Variants in ALKBH3 observed in about 807,000 individuals in gnomAD.
The protein encoded by ALKBH3 is alkB homolog 3, alpha-ketoglutarate dependent dioxygenase, also known as alpha-ketoglutarate-dependent dioxygenase alkB homolog 3.
In ALKBH3, 51 loss-of-function variants were observed where a neutral mutation model predicts 43.9. That is an observed-to-expected ratio of 1.16 (90% CI 0.93 to 1.47). The LOEUF (loss-of-function observed/expected upper bound fraction) is 1.47, where lower values mean the gene tolerates loss of function less well. ALKBH3 is among the 40% of genes most tolerant of loss of function. The pLI, the probability that ALKBH3 is intolerant of heterozygous loss-of-function variation, is 0.00. For missense variants in ALKBH3, 361 were observed against 351.9 expected, an observed-to-expected ratio of 1.03 and a Z score of -0.21; for synonymous variants, 102 against 115.2, an observed-to-expected ratio of 0.89 and a Z score of 0.73.
At chr11:43,890,619 A>C (rs1951777227) in intron 6 of ALKBH3, among the ~76,000 whole-genome samples, 1 of 152,182 alleles carries the variant, frequency 6.6e-6, no homozygotes, top group South Asian at 2.1e-4. Flanking sequence ...TAATCCCAGC[A>C]CTTTGGGAGG....
intron 8 of ALKBH3, among the ~76,000 whole-genome samples, chr11:43,911,605 C>T (rs1951939515): frequency 6.6e-6 from 1 of 152,136 alleles, no homozygotes; most frequent in South Asian, 2.1e-4. Flanking sequence ...GCTGACTGTG[C>T]CTGGCTCTGC....
rs372346617 is a variant in ALKBH3, at chr11:43,883,071, C to T, written c.80-14C>T. ...CTTTCCCCTGGTTTGAGGCTGTCCC[C>T]TCTCTTGCTTCAGCTACCACTGCTA... On this transcript the variant is annotated splice_polypyrimidine_tract_variant and intron_variant, in intron 2 of 9. Coordinates refer to ENST00000302708, the MANE Select transcript of ALKBH3 (RefSeq NM_139178.4). 1 of 1,610,848 alleles carries T rather than the reference C, an allele frequency of 6.2e-7. No individual in the cohort carries two copies. The highest frequency in any genetic ancestry group is 1.7e-5 in the Admixed American group (1 of 59,924).
At chr11:43,897,255 C>T (rs753573140) in intron 7 of ALKBH3, 28 of 560,136 alleles carry the variant, frequency 5.0e-5, no homozygotes, top group Admixed American at 1.5e-4. Flanking sequence ...GCGACTGCTC[C>T]GCAGAGCTGC....
At chr11:43,899,640 CA>C (rs767957462) in intron 7 of ALKBH3, 10 of 475,860 alleles carry the variant, frequency 2.1e-5, no homozygotes, top group Non-Finnish European at 3.5e-5. Flanking sequence ...TCCCGCCGAG[CA>C]GAGACATTGT....
intron 6 of ALKBH3, among the ~76,000 whole-genome samples, chr11:43,890,114 C>T (rs1226405501): frequency 6.8e-6 from 1 of 147,436 alleles, no homozygotes; most frequent in African/African-American, 2.4e-5. Flanking sequence ...ACATACTTAT[C>T]TCCTTTTGTG....
chr11:43,884,375 C>CT lies in ALKBH3; in HGVS notation c.218+378dup, dbSNP rs113557050. On this transcript the variant is annotated intron_variant, in intron 4 of 9. Transcript: ENST00000302708. ...TTCTTTGAGAAGCCATTAATTGCCTCTTTTTTTTTTTTTTTTTTTTACTAG... is the reference window on the plus strand; with the variant it reads ...TTCTTTGAGAAGCCATTAATTGCCTCTTTTTTTTTTTTTTTTTTTTTACTAG... Among the ~76,000 whole-genome samples the CT allele has an allele frequency of 6.4e-3, 861 of 134,082 alleles. 10 individuals carry two copies. Among genetic ancestry groups the CT allele is most frequent in the Middle Eastern group, 0.028 (7 of 250 alleles). 88.0% of individuals were successfully genotyped at this position (134,082 alleles called of 152,430 possible). A position where few individuals can be genotyped will look rare whatever the true frequency, so the allele number is the denominator to read the frequency against.
chr11:43,913,351 G>A (rs766390176), intron 8 of ALKBH3, among the ~76,000 whole-genome samples: 4 of 151,936 alleles, frequency 2.6e-5, no homozygotes, highest in African/African-American at 4.8e-5. Flanking sequence ...CCCCCGTCCC[G>A]TCCTCCACCC....
chr11:43,913,673 G>A (rs991359725), intron 8 of ALKBH3, among the ~76,000 whole-genome samples: 1 of 152,202 alleles, frequency 6.6e-6, no homozygotes, highest in African/African-American at 2.4e-5. Flanking sequence ...ACTACTGCAT[G>A]GAATGGCAAA....
intron 8 of ALKBH3, among the ~76,000 whole-genome samples, chr11:43,915,438 C>T (rs1951975981): frequency 6.6e-6 from 1 of 152,088 alleles, no homozygotes; most frequent in African/African-American, 2.4e-5. Flanking sequence ...CACTTGGCTC[C>T]AGTAATTCCA....
At chr11:43,899,429 G>A (rs7933911) in intron 7 of ALKBH3, 706,266 of 707,716 alleles carry the variant, frequency 1, 352,427 homozygotes, top group East Asian at 1. Context: ...GATGTACTAC[G>A]CCAAAGTGAT....
intron 7 of ALKBH3, among the ~76,000 whole-genome samples, chr11:43,896,900 T>G (rs1411903616): frequency 6.6e-6 from 1 of 152,236 alleles, no homozygotes; most frequent in Non-Finnish European, 1.5e-5. Context: ...ATTCAAAGTG[T>G]AGGCTGGACC....
chr11:43,894,523 A>C (rs1951805157), intron 7 of ALKBH3, among the ~76,000 whole-genome samples: 1 of 151,942 alleles, frequency 6.6e-6, no homozygotes, highest in African/African-American at 2.4e-5. Flanking sequence ...TCCTTTTCTC[A>C]CTGTTTCAGT....
intron 8 of ALKBH3, among the ~76,000 whole-genome samples, chr11:43,911,839 G>A (rs1169754901): frequency 6.6e-6 from 1 of 152,124 alleles, no homozygotes; most frequent in African/African-American, 2.4e-5. Flanking sequence ...AAAAAAGGGA[G>A]CGGCCAGGCG....
chr11:43,918,372 C>G (rs10768995), intron 8 of ALKBH3, among the ~76,000 whole-genome samples: 90,370 of 152,074 alleles, frequency 0.59, 27,561 homozygotes, highest in East Asian at 0.84. Context: ...GTGATCCATC[C>G]TCAAAGATGT....
At chr11:43,897,547 CT>C in intron 7 of ALKBH3, 1 of 778,818 alleles carries the variant, frequency 1.3e-6, no homozygotes, top group Non-Finnish European at 2.4e-6. Context: ...CCTACGTGTC[CT>C]TTGATTCCGA....
At chr11:43,907,121 G>T (rs369171636) in intron 8 of ALKBH3, among the ~76,000 whole-genome samples, 2 of 152,286 alleles carry the variant, frequency 1.3e-5, no homozygotes, top group African/African-American at 4.8e-5. Context: ...AAGGTGGCCT[G>T]TGGATCATAA....
chr11:43,913,912 T>A (rs1461696150), intron 8 of ALKBH3, among the ~76,000 whole-genome samples: 1 of 152,140 alleles, frequency 6.6e-6, no homozygotes, highest in Non-Finnish European at 1.5e-5. Context: ...CACATAAAAA[T>A]CCCACTTGTC....
chr11:43,905,500 A>C (rs1399032880), intron 8 of ALKBH3, among the ~76,000 whole-genome samples: 1 of 150,264 alleles, frequency 6.7e-6, no homozygotes, highest in Non-Finnish European at 1.5e-5. Flanking sequence ...ATTCATTTTG[A>C]TTTTAGAGTA....
chr11:43,903,410 A>G (rs1350685832), intron 8 of ALKBH3, among the ~76,000 whole-genome samples: 1 of 152,234 alleles, frequency 6.6e-6, no homozygotes, highest in Non-Finnish European at 1.5e-5. Flanking sequence ...GAGACACTGT[A>G]TCAGTCTCAT....
Sources: allele counts gnomAD v4.1 joint callset (sites outside exome capture counted in the v4.1 genomes callset), GRCh38; gene constraint gnomAD v4.1.1; transcripts MANE v1.5; gene names NCBI Gene and HGNC (gene_info 2026-07-23, HGNC 2026-07-21).